The following PCLO variants were observed in gnomAD, a reference collection of about 807,000 sequenced individuals.
PCLO encodes protein piccolo.
A neutral mutation model predicts 427.5 loss-of-function variants in PCLO; 82 were observed. The ratio of observed to expected loss-of-function variants is 0.19; its 90% CI spans 0.16 to 0.23. The LOEUF is 0.23. Ranked by LOEUF, PCLO falls within the 10% of genes least tolerant of loss-of-function variation. The pLI, the probability that PCLO is intolerant of heterozygous loss-of-function variation, is 1.00. For missense variants in PCLO, 6,239 were observed against 6,115.9 expected, an observed-to-expected ratio of 1.02 and a Z score of -0.67; for synonymous variants, 2,357 against 2,155.4, an observed-to-expected ratio of 1.09 and a Z score of -2.59.
intron 17 of PCLO, among the ~76,000 whole-genome samples, chr7:82,827,152 T>C (rs1791965150): frequency 6.6e-6 from 1 of 152,098 alleles, no homozygotes; most frequent in African/African-American, 2.4e-5. Flanking sequence ...ATGAAATTAA[T>C]CTACTAGAAG....
At chr7:82,821,386 T>C in intron 20 of PCLO, 1 of 985,852 alleles carries the variant, frequency 1.0e-6, no homozygotes, top group Non-Finnish European at 1.2e-6. Context: ...AGTGCTCTTT[T>C]GCTCTATTTA....
chr7:82,899,943 G>A (rs1390125456), intron 9 of PCLO, among the ~76,000 whole-genome samples: 1 of 151,500 alleles, frequency 6.6e-6, no homozygotes, highest in Non-Finnish European at 1.5e-5. Flanking sequence ...TATACATCAT[G>A]AAAAAATAAT....
intron 16 of PCLO, among the ~76,000 whole-genome samples, chr7:82,828,894 T>G (rs903388198): frequency 6.6e-6 from 1 of 152,076 alleles, no homozygotes; most frequent in Non-Finnish European, 1.5e-5. Flanking sequence ...GGCACTAGAG[T>G]CCTGTAAACC....
chr7:83,085,207 A>T (rs553852566), intron 3 of PCLO, among the ~76,000 whole-genome samples: 1 of 152,122 alleles, frequency 6.6e-6, no homozygotes, highest in Non-Finnish European at 1.5e-5. Context: ...AATGTGTGCC[A>T]TTTCAGGAGA....
At chr7:83,111,836 G>A (rs766507590) in intron 3 of PCLO, among the ~76,000 whole-genome samples, 3 of 152,146 alleles carry the variant, frequency 2.0e-5, no homozygotes, top group Non-Finnish European at 2.9e-5. Context: ...GTAACTTAAT[G>A]TCTGCTTTTA....
chr7:83,096,869 T>C, intron 3 of PCLO, among the ~76,000 whole-genome samples: 1 of 75,450 alleles, frequency 1.3e-5, no homozygotes, highest in Non-Finnish European at 2.3e-5. Flanking sequence ...AAATATATTA[T>C]ATAATATAAA....
chr7:83,096,869 TATA>T (rs1790565769), intron 3 of PCLO, among the ~76,000 whole-genome samples: 1 of 75,472 alleles, frequency 1.3e-5, no homozygotes, highest in South Asian at 3.2e-4. Flanking sequence ...AAATATATTA[TATA>T]ATATAAATAT....
intron 1 of PCLO, among the ~76,000 whole-genome samples, chr7:83,158,198 A>G (rs1202263334): frequency 6.6e-6 from 1 of 152,078 alleles, no homozygotes; most frequent in African/African-American, 2.4e-5. Context: ...ATATTCTACC[A>G]TGTCTCTCAA....
At chr7:82,775,799 CTA>C (rs1270160392) in intron 22 of PCLO, among the ~76,000 whole-genome samples, 23 of 152,004 alleles carry the variant, frequency 1.5e-4, no homozygotes, top group African/African-American at 4.3e-4. Flanking sequence ...AGATTTTCTC[CTA>C]TGTTATTTTC....
chr7:82,806,950 C>G (rs1791471094), intron 20 of PCLO, among the ~76,000 whole-genome samples: 1 of 129,834 alleles, frequency 7.7e-6, no homozygotes, highest in Admixed American at 8.2e-5. Flanking sequence ...GAATTTAACT[C>G]TATTCTCTTC....
intron 3 of PCLO, among the ~76,000 whole-genome samples, chr7:82,995,667 G>A (rs1796478391): frequency 6.6e-6 from 1 of 151,932 alleles, no homozygotes; most frequent in African/African-American, 2.4e-5. Flanking sequence ...TCTTTGATTG[G>A]ACCCAAGGCT....
At chr7:82,871,536 A>G (rs1277498757) in intron 10 of PCLO, among the ~76,000 whole-genome samples, 1 of 151,924 alleles carries the variant, frequency 6.6e-6, no homozygotes, top group African/African-American at 2.4e-5. Flanking sequence ...AGAGTTTGAT[A>G]GCACAAAGGG....
rs779385664 is a variant in PCLO, at chr7:82,950,872, C to T, written c.9716G>A (p.Arg3239His). Reference protein sequence around the residue: ...QRFAEELEWERQEIQRFREQE... With the variant: ...QRFAEELEWEHQEIQRFREQE... Reference sequence around the variant, plus strand: ...TTCTCGGAACCTTTGAATTTCCTGACGTTCCCACTCCAATTCCTCAGCAAA... The same window carrying T: ...TTCTCGGAACCTTTGAATTTCCTGATGTTCCCACTCCAATTCCTCAGCAAA... The change falls in exon 6 of 25, where the codon CGT (arginine) becomes CAT (histidine). Residue 3239 changes from arginine to histidine, a missense_variant. By Grantham distance (29) the Arg-to-His change is conservative. Transcript: ENST00000333891. The T allele has an allele frequency of 9.9e-6, 16 of 1,613,382 alleles. No homozygotes were observed. The highest frequency in any genetic ancestry group is 8.3e-5 in the Admixed American group (5 of 59,992).
At chr7:83,111,240 T>TA (rs1314147511) in intron 3 of PCLO, among the ~76,000 whole-genome samples, 1 of 152,204 alleles carries the variant, frequency 6.6e-6, no homozygotes, top group African/African-American at 2.4e-5. Flanking sequence ...TTCTAAGACA[T>TA]ATCTTTCTAC....
intron 22 of PCLO, among the ~76,000 whole-genome samples, chr7:82,794,450 A>ATTTTTTTTTTTT (rs141105612): frequency 1.4e-4 from 9 of 62,070 alleles, no homozygotes; most frequent in East Asian, 1.1e-3. Context: ...TAGTTCATAA[A>ATTTTTTTTTTTT]TTTTTTTTCT....
chr7:83,021,631 C>T (rs1437530281), intron 3 of PCLO, among the ~76,000 whole-genome samples: 3 of 152,026 alleles, frequency 2.0e-5, no homozygotes, highest in Admixed American at 2.0e-4. Context: ...ATATAATTAC[C>T]AGCATATAGA....
intron 22 of PCLO, among the ~76,000 whole-genome samples, chr7:82,791,349 G>A (rs1791097550): frequency 6.6e-6 from 1 of 152,162 alleles, no homozygotes; most frequent in African/African-American, 2.4e-5. Context: ...ACCAACAATA[G>A]TTGTCTGGGC....
chr7:83,041,894 C>T (rs554669509), intron 3 of PCLO, among the ~76,000 whole-genome samples: 44 of 152,098 alleles, frequency 2.9e-4, no homozygotes, highest in South Asian at 6.2e-4. Context: ...TATTAATATA[C>T]GAGCATCCCC....
At chr7:83,150,475 T>A (rs952843035) in intron 2 of PCLO, among the ~76,000 whole-genome samples, 1 of 152,184 alleles carries the variant, frequency 6.6e-6, no homozygotes, top group Non-Finnish European at 1.5e-5. Flanking sequence ...CCTCTTCACA[T>A]AGATGTTTGG....
Sources: allele counts gnomAD v4.1 joint callset (sites outside exome capture counted in the v4.1 genomes callset), GRCh38; gene constraint gnomAD v4.1.1; transcripts MANE v1.5; gene names NCBI Gene and HGNC (gene_info 2026-07-23, HGNC 2026-07-21).